Variants in EML1 observed in about 807,000 individuals in gnomAD.
The protein encoded by EML1 is EMAP like 1, also known as echinoderm microtubule-associated protein-like 1.
In EML1, 27 loss-of-function variants were observed where a neutral mutation model predicts 110.4. That is an observed-to-expected ratio of 0.24 (90% CI 0.18 to 0.34). The LOEUF (loss-of-function observed/expected upper bound fraction) is 0.34. EML1 is among the 10% of genes least tolerant of loss of function. EML1 has a pLI of 1.00. For missense variants in EML1, 741 were observed against 1,030.9 expected, an observed-to-expected ratio of 0.72 and a Z score of 3.85; for synonymous variants, 344 against 385.8, an observed-to-expected ratio of 0.89 and a Z score of 1.27.
chr14:99,865,799 C>T (rs1434056482), intron 3 of EML1, among the ~76,000 whole-genome samples, 153 bp downstream of exon 3: 1 of 152,188 alleles, frequency 6.6e-6, no homozygotes, highest in East Asian at 1.9e-4. Context: ...ATAACAAGAA[C>T]TAGTTAAGTT....
intron 1 of EML1, among the ~76,000 whole-genome samples, chr14:99,752,105 C>A (rs762210234): frequency 6.6e-6 from 1 of 152,142 alleles, no homozygotes; most frequent in African/African-American, 2.4e-5. Flanking sequence ...CGCCCCACCG[C>A]GCAGGGCTGA....
At chr14:99,742,477 T>G (rs1343509539) in intron 1 of EML1, among the ~76,000 whole-genome samples, 1 of 152,000 alleles carries the variant, frequency 6.6e-6, no homozygotes, top group Non-Finnish European at 1.5e-5. Flanking sequence ...GCTGGTGAGA[T>G]GGTCCTGGGG....
intron 1 of EML1, among the ~76,000 whole-genome samples, chr14:99,848,381 C>CA (rs2058737882): frequency 6.6e-6 from 1 of 151,970 alleles, no homozygotes; most frequent in Non-Finnish European, 1.5e-5. Context: ...GTTCTTACCA[C>CA]AAAAATAAGT....
chr14:99,788,068 A>G (rs1052791230), intron 1 of EML1, among the ~76,000 whole-genome samples: 7 of 152,124 alleles, frequency 4.6e-5, no homozygotes, highest in African/African-American at 1.7e-4. Flanking sequence ...GGCCCGCTGC[A>G]AGCAGGGCCT....
At chr14:99,894,494 C>T (rs1322529898) in intron 5 of EML1, 135 bp from the exon 6 acceptor site, 3 of 1,088,560 alleles carry the variant, frequency 2.8e-6, no homozygotes, top group Non-Finnish European at 3.6e-6. Flanking sequence ...TTACTTTTTT[C>T]CCTAGGATAT....
intron 1 of EML1, among the ~76,000 whole-genome samples, chr14:99,826,413 C>CA (rs2058359544): frequency 6.6e-6 from 1 of 152,084 alleles, no homozygotes; most frequent in Non-Finnish European, 1.5e-5. Context: ...GTGCCCAGCC[C>CA]TATGCATTGA....
chr14:99,747,612 C>G (rs1595231376), intron 1 of EML1, among the ~76,000 whole-genome samples: 1 of 152,306 alleles, frequency 6.6e-6, no homozygotes, highest in Admixed American at 6.5e-5. Flanking sequence ...TTCACCAAAC[C>G]CAGGTCTGCA....
In EML1 at chr14:99,920,859, G is replaced by A. The variant is rs200744722; in HGVS notation, c.1891G>A (p.Val631Ile). The change falls in exon 17 of 22, where the codon GTA becomes ATA. Residue 631 changes from valine (V) to isoleucine (I), a missense_variant. Val to Ile is a conservative substitution (Grantham distance 29). Around this residue, in one of 4 missense-constraint regions of EML1, gnomAD observed 388 missense variants for 605.6 expected, o/e 0.64. Transcript: ENST00000262233. The stretch of plus-strand genomic sequence containing the variant: ...CACAGATGGAAACGAACAGCTCTCT[G>A]TAATGCGATACTCACCAGGTTAGAC... Reference protein sequence around the residue: ...VHTDGNEQLSVMRYSPDGNFL... With the variant: ...VHTDGNEQLSIMRYSPDGNFL... 6.8e-6 allele frequency: 11 copies of A among 1,613,524 alleles called. No homozygotes were observed. Among genetic ancestry groups the A allele is most frequent in the African/African-American group, 1.3e-5 (1 of 74,884 alleles).
intron 5 of EML1, among the ~76,000 whole-genome samples, chr14:99,891,791 C>CA (rs2059591608): frequency 6.6e-6 from 1 of 151,864 alleles, no homozygotes; most frequent in South Asian, 2.1e-4. Flanking sequence ...ATTTAAAATG[C>CA]AAAAAATGGA....
In EML1 at chr14:99,937,915, A is replaced by G. The variant is rs1248969199; in HGVS notation, c.2191+3A>G. ...CACTTTGGGATTCCATGTTTTTGGT[A>G]AGTTTGCTGCAGATTTCACTGGTTC... On this transcript the variant is annotated splice_donor_region_variant and intron_variant, in intron 20 of 21. Coordinates refer to ENST00000262233, the MANE Select transcript of EML1 (RefSeq NM_004434.3). 2 of 1,613,330 alleles carry G rather than the reference A, an allele frequency of 1.2e-6. No individual in the cohort carries two copies. Among genetic ancestry groups the G allele is most frequent in the Non-Finnish European group, 1.7e-6 (2 of 1,179,422 alleles).
intron 1 of EML1, among the ~76,000 whole-genome samples, chr14:99,762,545 C>T (rs906369368): frequency 1.3e-5 from 2 of 152,180 alleles, no homozygotes; most frequent in African/African-American, 2.4e-5. Context: ...TGCCTATAAT[C>T]CCAGCACTTT....
At chr14:99,878,302 C>CAG in intron 3 of EML1, among the ~76,000 whole-genome samples, 183 bp from the exon 4 acceptor site, 1 of 152,150 alleles carries the variant, frequency 6.6e-6, no homozygotes, top group East Asian at 1.9e-4. Flanking sequence ...GTTAAAAAGG[C>CAG]AGAGAGAGAG....
At chr14:99,840,559 G>A (rs1460713477) in intron 1 of EML1, among the ~76,000 whole-genome samples, 1 of 152,200 alleles carries the variant, frequency 6.6e-6, no homozygotes, top group Admixed American at 6.5e-5. Flanking sequence ...GACATACAGC[G>A]GCTGGTGAAT....
chr14:99,914,241 T>G lies in EML1; in HGVS notation c.1557T>G (p.Ile519Met). The G allele has an allele frequency of 6.2e-7, 1 of 1,614,062 alleles. No individual in the cohort carries two copies. Among genetic ancestry groups the G allele is most frequent in the East Asian group, 2.2e-5 (1 of 44,886 alleles). ...VAEGKGDVIL[I>M]GTTRNFVLQG... is the part of the protein sequence containing the mutation. Reference sequence around the variant, plus strand: ...AGGGGAAAGGCGATGTGATCTTGATTGGCACAACTCGAAACTTTGTCCTGC... The same window carrying G: ...AGGGGAAAGGCGATGTGATCTTGATGGGCACAACTCGAAACTTTGTCCTGC... Residue 519 changes from isoleucine to methionine, a missense_variant, in exon 14 of 22, where the codon ATT becomes ATG. This residue lies in a region of EML1 where 388 missense variants were observed against 605.6 expected (regional missense o/e 0.64). Coordinates refer to ENST00000262233, the MANE Select transcript of EML1 (RefSeq NM_004434.3).
chr14:99,819,627 C>T lies in EML1; in HGVS notation c.67+26084C>T, dbSNP rs1244491752. 2.0e-5 allele frequency among the ~76,000 whole-genome samples: 3 copies of T among 152,226 alleles called. No individual in the cohort carries two copies. The East Asian group carries it at 5.8e-4, about 29-fold the overall frequency. ...GATCTGTTCCTTGGCCCTGCGGTGA[C>T]GGGAAGAGGGGAGATGGAGGTGTTC... On this transcript the variant is annotated intron_variant, in intron 1 of 21. Coordinates refer to ENST00000262233, the MANE Select transcript of EML1 (RefSeq NM_004434.3).
intron 16 of EML1, 132 bp downstream of exon 16, chr14:99,917,981 A>T: frequency 1.1e-6 from 1 of 877,778 alleles, no homozygotes; most frequent in Admixed American, 2.7e-5. Context: ...CTTACCAAGA[A>T]TTAAGTTAAA....
chr14:99,788,629 A>ATGTGTG (rs1491222628), upstream of EML1, among the ~76,000 whole-genome samples: 1 of 151,620 alleles, frequency 6.6e-6, no homozygotes, highest in African/African-American at 2.4e-5. Context: ...TATCTCCCTA[A>ATGTGTG]TATGTGTGTG....
At position 99,897,236 on chromosome 14, in the gene EML1, T is replaced by C. The variant is rs1301898693; in HGVS notation, c.769T>C (p.Tyr257His). ...CTTCATCGCATCCGTGGTGGTGTTA[T>C]ACAACGTGGAGGAGCAACTGCAGAG... The part of the protein sequence containing the change: ...VYFIASVVVL[Y>H]NVEEQLQRHY... Residue 257 changes from tyrosine (Y) to histidine (H), a missense_variant, in exon 7 of 22, where the codon TAC becomes CAC. Physicochemically the swap from Tyr to His is moderately conservative, Grantham distance 83 (BLOSUM62 2). This residue lies in a region of EML1 where 388 missense variants were observed against 605.6 expected (regional missense o/e 0.64). Coordinates refer to ENST00000262233, the MANE Select transcript of EML1 (RefSeq NM_004434.3). 6.8e-6 allele frequency: 11 copies of C among 1,613,122 alleles called. No homozygotes were observed. Among genetic ancestry groups the C allele is most frequent in the Non-Finnish European group, 7.6e-6 (9 of 1,179,654 alleles).
intron 7 of EML1, among the ~76,000 whole-genome samples, chr14:99,897,632 A>G (rs1238068372): frequency 2.0e-5 from 3 of 152,198 alleles, no homozygotes; most frequent in Admixed American, 2.0e-4. Flanking sequence ...TTCACGGACC[A>G]CATTGTCTCA....
Sources: allele counts gnomAD v4.1 joint callset (sites outside exome capture counted in the v4.1 genomes callset), GRCh38; gene constraint gnomAD v4.1.1; regional missense constraint gnomAD v4.1.1; transcripts MANE v1.5; gene names NCBI Gene and HGNC (gene_info 2026-07-23, HGNC 2026-07-21).